RIN2: variants seen among roughly 807,000 people sequenced by gnomAD.
RIN2 encodes Ras and Rab interactor 2, also known as RAB5 interacting protein 2.
RIN2 carries 36 observed loss-of-function variants against 78.0 expected under a neutral mutation model. The observed-to-expected ratio is 0.46, with a 90% CI of 0.35 to 0.61. RIN2 has a LOEUF of 0.61. Among genes scored for constraint, RIN2 ranks in the 20% least tolerant of loss-of-function variants. The probability of loss-of-function intolerance (pLI) is 0.00; values close to 1 mark genes in which losing one functional copy is unlikely to be tolerated. For missense variants in RIN2, 1,087 were observed against 1,159.7 expected (o/e 0.94, Z 0.91); for synonymous variants, 466 against 466.8 (o/e 1.00, Z 0.02).
chr20:19,830,580 T>C (rs2036222386), intron 2 of RIN2, among the ~76,000 whole-genome samples: 1 of 152,228 alleles, frequency 6.6e-6, no homozygotes, highest in Non-Finnish European at 1.5e-5. Context: ...TTTCCAGGAC[T>C]CTCAATGAGG....
At chr20:19,987,196 G>A (rs922572833) in intron 9 of RIN2, among the ~76,000 whole-genome samples, 10 of 152,294 alleles carry the variant, frequency 6.6e-5, no homozygotes, top group African/African-American at 2.4e-4. Context: ...TATATCCAAT[G>A]TATTCATTTC....
At chr20:19,837,864 T>G (rs2036468745) in intron 2 of RIN2, among the ~76,000 whole-genome samples, 1 of 152,024 alleles carries the variant, frequency 6.6e-6, no homozygotes, top group Admixed American at 6.6e-5. Flanking sequence ...TGGGAGTGAA[T>G]GTTGAGAATT....
chr20:19,781,195 C>G (rs578066085), intron 1 of RIN2, among the ~76,000 whole-genome samples: 45 of 152,256 alleles, frequency 3.0e-4, no homozygotes, highest in African/African-American at 8.9e-4. Context: ...CACTTCCATC[C>G]ATATTTTACT....
In RIN2 at chr20:20,002,174, T is replaced by C. The variant is rs1157192282; in HGVS notation, c.*1238T>C. On this transcript the variant is annotated 3_prime_UTR_variant, in exon 13 of 13. Transcript: ENST00000255006. ...AGAACCTGCAGTGAAATTAAACTTATGTTAAATAAAACCAGTTTGCAGGTG... is the reference window on the plus strand; with the variant it reads ...AGAACCTGCAGTGAAATTAAACTTACGTTAAATAAAACCAGTTTGCAGGTG... The C allele has an allele frequency of 6.6e-6, 1 of 152,250 alleles. No homozygotes were observed. Among genetic ancestry groups the C allele is most frequent in the Non-Finnish European group, 1.5e-5 (1 of 68,044 alleles). 9.4% of individuals were successfully genotyped at this position (152,250 alleles called of 1,614,324 possible).
In RIN2 at chr20:19,974,884, G is replaced by A; in HGVS notation, c.859G>A (p.Gly287Ser). 6.2e-7 allele frequency: 1 copy of A among 1,614,014 alleles called. No homozygotes were observed. The highest frequency in any genetic ancestry group is 8.5e-7 in the Non-Finnish European group (1 of 1,179,894). Residue 287 changes from glycine (G) to serine (S), a missense_variant, in exon 9 of 13, where the codon GGC becomes AGC. By Grantham distance (56) the Gly-to-Ser change is moderately conservative. This residue lies in a region of RIN2 where 706 missense variants were observed against 667.5 expected (regional missense o/e 1.06). Coordinates refer to ENST00000255006, the MANE Select transcript of RIN2 (RefSeq NM_018993.4). ...AGTGCACAGCCAGGACCTCAGTGGA[G>A]GCCTGAAACGGCCGAGCACAAGGAC... ...LKVHSQDLSGGLKRPSTRTPN... is the reference protein window; with the variant it reads ...LKVHSQDLSGSLKRPSTRTPN...
Position 20,001,362 on chromosome 20 carries a change from C to CTTTTTTTTTTTTTTTTTTTTTTTTTT in RIN2, c.*427_*452dup, listed in dbSNP as rs57852545. ...CCCTGCCTTCCTTCCTTTCTTTTTC[C>CTTTTTTTTTTTTTTTTTTTTTTTTTT]TTTTTTTTTTTTTTTTTTTTTTTTT... is the stretch of plus-strand genomic sequence containing the variant. On this transcript the variant is annotated 3_prime_UTR_variant, in exon 13 of 13. Coordinates refer to ENST00000255006, the MANE Select transcript of RIN2 (RefSeq NM_018993.4). 1.3e-4 allele frequency: 12 copies of CTTTTTTTTTTTTTTTTTTTTTTTTTT among 94,232 alleles called. 1 individual carries two copies. Among genetic ancestry groups the CTTTTTTTTTTTTTTTTTTTTTTTTTT allele is most frequent in the East Asian group, 1.2e-3 (3 of 2,570 alleles). The allele number at this position is 94,232 out of a possible 1,614,324, so 5.8% of individuals were successfully genotyped here.
At chr20:19,773,590 G>A (rs926119337) in intron 1 of RIN2, among the ~76,000 whole-genome samples, 6 of 152,130 alleles carry the variant, frequency 3.9e-5, no homozygotes, top group African/African-American at 1.4e-4. Flanking sequence ...AGGGCCAAGC[G>A]AGGTGGGTGG....
intron 11 of RIN2, among the ~76,000 whole-genome samples, chr20:19,995,605 C>T (rs1242649447): frequency 1.3e-5 from 2 of 152,104 alleles, no homozygotes; most frequent in African/African-American, 2.4e-5. Flanking sequence ...GAGATCATTC[C>T]TAAATACACC....
At chr20:19,973,333 AGG>A (rs1194739362) in intron 8 of RIN2, among the ~76,000 whole-genome samples, 1 of 152,132 alleles carries the variant, frequency 6.6e-6, no homozygotes, top group Non-Finnish European at 1.5e-5. Context: ...AGAGAGAAGG[AGG>A]GATACAGGAT....
chr20:19,815,338 ATAG>A (rs2035731882), intron 2 of RIN2, among the ~76,000 whole-genome samples: 2 of 152,250 alleles, frequency 1.3e-5, no homozygotes, highest in Non-Finnish European at 1.5e-5. Context: ...TAAAAGTTCG[ATAG>A]TAGTCAATAA....
intron 2 of RIN2, among the ~76,000 whole-genome samples, chr20:19,819,122 G>A (rs1033700076): frequency 6.6e-6 from 1 of 152,242 alleles, no homozygotes; most frequent in Non-Finnish European, 1.5e-5. Context: ...ATTAGAAGGT[G>A]TCTTAGCTCA....
At chr20:19,828,672 C>A (rs139986943) in intron 2 of RIN2, among the ~76,000 whole-genome samples, 2 of 152,262 alleles carry the variant, frequency 1.3e-5, no homozygotes, top group East Asian at 3.9e-4. Flanking sequence ...GCTTAGTACT[C>A]TCCAAAAGAA....
intron 4 of RIN2, among the ~76,000 whole-genome samples, chr20:19,944,520 G>T (rs1394148504): frequency 6.6e-6 from 1 of 152,330 alleles, no homozygotes; most frequent in East Asian, 1.9e-4. Flanking sequence ...GTAGCTAGAA[G>T]CCTGGGCCCT....
At chr20:19,765,542 C>G (rs6075572) in intron 1 of RIN2, among the ~76,000 whole-genome samples, 1 of 152,150 alleles carries the variant, frequency 6.6e-6, no homozygotes, top group African/African-American at 2.4e-5. Flanking sequence ...ACCTAGCAGC[C>G]TAGCAGGGGA....
At chr20:19,941,302 C>T (rs555534409) in intron 4 of RIN2, among the ~76,000 whole-genome samples, 43 of 152,266 alleles carry the variant, frequency 2.8e-4, no homozygotes, top group Non-Finnish European at 5.9e-4. Flanking sequence ...TTCACTTGCC[C>T]AGAGGTGAGA....
chr20:19,952,136 G>T (rs2146213063), intron 4 of RIN2, among the ~76,000 whole-genome samples: 1 of 152,264 alleles, frequency 6.6e-6, no homozygotes, highest in East Asian at 1.9e-4. Context: ...AGCGTGAATA[G>T]CCCCCCAGAG....
At chr20:19,863,957 A>T (rs1418725754) in intron 2 of RIN2, among the ~76,000 whole-genome samples, 3 of 149,890 alleles carry the variant, frequency 2.0e-5, no homozygotes, top group Non-Finnish European at 4.4e-5. Context: ...TACAACACGC[A>T]TTCTCAACAG....
intron 10 of RIN2, among the ~76,000 whole-genome samples, chr20:19,991,550 C>T (rs1369041857): frequency 3.3e-5 from 5 of 152,154 alleles, no homozygotes; most frequent in Admixed American, 1.3e-4. Context: ...GCCAAATGTC[C>T]CCTGGGGGAC....
At chr20:19,804,594 G>C (rs1195545062) in intron 2 of RIN2, among the ~76,000 whole-genome samples, 2 of 152,172 alleles carry the variant, frequency 1.3e-5, no homozygotes, top group African/African-American at 4.8e-5. Context: ...GCTGGATTTG[G>C]TTTGCCAGTA....
Sources: allele counts gnomAD v4.1 joint callset (sites outside exome capture counted in the v4.1 genomes callset), GRCh38; gene constraint gnomAD v4.1.1; regional missense constraint gnomAD v4.1.1; transcripts MANE v1.5; gene names NCBI Gene and HGNC (gene_info 2026-07-23, HGNC 2026-07-21).